LRRTM4: variants seen among roughly 807,000 people sequenced by gnomAD.
LRRTM4 encodes the protein leucine-rich repeat transmembrane neuronal protein 4.
In LRRTM4, 25 loss-of-function variants were observed where a neutral mutation model predicts 47.6. That is an observed-to-expected ratio of 0.53 (90% CI 0.38 to 0.73). The LOEUF is 0.73. Among genes scored for constraint, LRRTM4 ranks in the 30% least tolerant of loss-of-function variants. LRRTM4 has a pLI of 0.00. For synonymous variants in LRRTM4, 311 were observed against 269.5 expected, an observed-to-expected ratio of 1.15 and a Z score of -1.51; for missense variants, 638 against 713.4, an observed-to-expected ratio of 0.89 and a Z score of 1.20.
chr2:76,926,051 G>C (rs1168148226), intron 3 of LRRTM4, among the ~76,000 whole-genome samples: 2 of 152,060 alleles, frequency 1.3e-5, no homozygotes, highest in African/African-American at 4.8e-5. Context: ...ATGACACATG[G>C]TCAGCCTGAC....
At chr2:77,265,753 A>C (rs1676033254) in intron 3 of LRRTM4, among the ~76,000 whole-genome samples, 1 of 152,176 alleles carries the variant, frequency 6.6e-6, no homozygotes, top group South Asian at 2.1e-4. Context: ...AATTGGAGGA[A>C]GTATATAAAA....
intron 3 of LRRTM4, among the ~76,000 whole-genome samples, chr2:77,385,675 ATTT>A (rs899245011): frequency 6.9e-6 from 1 of 145,428 alleles, no homozygotes; most frequent in Non-Finnish European, 1.5e-5. Context: ...AGTAGACTGT[ATTT>A]TTTGTTTTCT....
At chr2:76,860,759 C>G (rs1672289789) in intron 3 of LRRTM4, among the ~76,000 whole-genome samples, 3 of 151,874 alleles carry the variant, frequency 2.0e-5, no homozygotes, top group African/African-American at 7.3e-5. Flanking sequence ...CTACAAACTC[C>G]AGAAATATAA....
chr2:76,804,257 A>G (rs1675849965), intron 3 of LRRTM4, among the ~76,000 whole-genome samples: 1 of 152,164 alleles, frequency 6.6e-6, no homozygotes, highest in Admixed American at 6.5e-5. Context: ...ATTCTATTGT[A>G]TTCTGAGATT....
intron 3 of LRRTM4, among the ~76,000 whole-genome samples, chr2:77,362,790 A>C (rs527374696): frequency 6.6e-6 from 1 of 152,268 alleles, no homozygotes; most frequent in East Asian, 1.9e-4. Context: ...TCCTTTTTTA[A>C]GTATCTGATT....
chr2:77,264,724 T>C (rs116269222), intron 3 of LRRTM4, among the ~76,000 whole-genome samples: 76 of 152,218 alleles, frequency 5.0e-4, no homozygotes, highest in African/African-American at 1.8e-3. Flanking sequence ...TAATTAGATA[T>C]AAATCTATTC....
intron 3 of LRRTM4, among the ~76,000 whole-genome samples, chr2:77,369,701 G>T (rs1233632446): frequency 6.6e-6 from 1 of 151,626 alleles, no homozygotes; most frequent in African/African-American, 2.4e-5. Flanking sequence ...ATCATAGATT[G>T]TATTTTCACA....
At chr2:76,901,844 T>A (rs765309713) in intron 3 of LRRTM4, among the ~76,000 whole-genome samples, 2 of 152,170 alleles carry the variant, frequency 1.3e-5, no homozygotes, top group East Asian at 1.9e-4. Context: ...ACCATTTACA[T>A]AGAATAAGTA....
chr2:77,082,765 T>C (rs1277312981), intron 3 of LRRTM4, among the ~76,000 whole-genome samples: 6 of 152,160 alleles, frequency 3.9e-5, no homozygotes, highest in Non-Finnish European at 8.8e-5. Context: ...ATGTTTGTTC[T>C]TCTCTAACAA....
At chr2:77,477,672 T>C (rs1218686978) in intron 3 of LRRTM4, among the ~76,000 whole-genome samples, 1 of 150,620 alleles carries the variant, frequency 6.6e-6, no homozygotes, top group East Asian at 2.0e-4. Flanking sequence ...AGAAACCCCG[T>C]CTCCACTAAA....
chr2:77,452,853 G>A (rs1223410944), intron 3 of LRRTM4, among the ~76,000 whole-genome samples: 1 of 152,064 alleles, frequency 6.6e-6, no homozygotes, highest in African/African-American at 2.4e-5. Flanking sequence ...ACAGGTCACT[G>A]GAAAAGCTGA....
chr2:77,337,079 T>A (rs1435268441), intron 3 of LRRTM4, among the ~76,000 whole-genome samples: 2 of 152,008 alleles, frequency 1.3e-5, no homozygotes, highest in African/African-American at 4.8e-5. Context: ...ACCAATAACA[T>A]TCAAGCTGAG....
At chr2:77,261,086 G>A (rs1558658353) in intron 3 of LRRTM4, among the ~76,000 whole-genome samples, 1 of 151,964 alleles carries the variant, frequency 6.6e-6, no homozygotes, top group Non-Finnish European at 1.5e-5. Context: ...GGTGTTCATA[G>A]TTCCTCTAGA....
chr2:76,842,741 CTGTTTT>C lies in LRRTM4; in HGVS notation c.1552-93831_1552-93826del, dbSNP rs761492213. ...TAAAAGTTTTTTTTTGTTTGTTTGT[CTGTTTT>C]TAAGTTCTGGGATACATGTGCAGAA... On this transcript the variant is annotated intron_variant, in intron 3 of 3. Transcript: ENST00000409884. 6.0e-5 allele frequency among the ~76,000 whole-genome samples: 9 copies of C among 150,840 alleles called. No homozygotes were observed. In the South Asian group the frequency reaches 8.4e-4, roughly 14 times the overall value.
chr2:76,788,490 G>A (rs73940058), intron 3 of LRRTM4, among the ~76,000 whole-genome samples: 126 of 152,320 alleles, frequency 8.3e-4, no homozygotes, highest in African/African-American at 2.9e-3. Context: ...CAAAGATACA[G>A]AGTGTAATGC....
chr2:76,769,596 T>C (rs1673598606), intron 3 of LRRTM4, among the ~76,000 whole-genome samples: 1 of 152,090 alleles, frequency 6.6e-6, no homozygotes, highest in African/African-American at 2.4e-5. Flanking sequence ...GTGTCCAATG[T>C]TCTTTATCAC....
chr2:76,807,574 A>G (rs987117979), intron 3 of LRRTM4, among the ~76,000 whole-genome samples: 78 of 147,676 alleles, frequency 5.3e-4, no homozygotes, highest in African/African-American at 1.8e-3. Flanking sequence ...ATTTAGTTTT[A>G]TTTTCATTAT....
At position 77,082,607 on chromosome 2, in the gene LRRTM4, C is replaced by T. The variant is rs149513573; in HGVS notation, c.1552-333691G>A. Among the ~76,000 whole-genome samples, 23 of 151,954 alleles carry T rather than the reference C, an allele frequency of 1.5e-4. No individual in the cohort carries two copies. The East Asian group carries it at 4.5e-3, about 29-fold the overall frequency. On this transcript the variant is annotated intron_variant, in intron 3 of 3. Transcript: ENST00000409884. ...GCTGTTAGCTTAATAAAGTGAAAAA[C>T]AGTAAAGATAAGCCAGTGCGTCAAC...
chr2:77,098,597 G>A (rs541152144), intron 3 of LRRTM4, among the ~76,000 whole-genome samples: 22 of 152,028 alleles, frequency 1.4e-4, no homozygotes, highest in African/African-American at 5.3e-4. Context: ...AGGAAATATT[G>A]CTTCCATAAG....
Sources: gnomAD v4.1 joint callset for allele counts (sites outside exome capture counted in the v4.1 genomes callset) on GRCh38, gnomAD v4.1.1 for gene constraint, MANE v1.5 for transcripts, NCBI Gene and HGNC (gene_info 2026-07-23, HGNC 2026-07-21) for gene names.